Variants in GALNT2 observed in about 807,000 individuals in gnomAD.
GALNT2 encodes the protein UDP-GalNAc:polypeptide N-acetylgalactosaminyltransferase 2.
In GALNT2, 31 loss-of-function variants were observed where a neutral mutation model predicts 81.4. That is an observed-to-expected ratio of 0.38 (90% CI 0.29 to 0.51). GALNT2 has a LOEUF of 0.51. Among genes scored for constraint, GALNT2 ranks in the 20% least tolerant of loss-of-function variants. The pLI, the probability that GALNT2 is intolerant of heterozygous loss-of-function variation, is 0.87. For missense variants in GALNT2, 629 were observed against 765.7 expected (o/e 0.82, Z 2.11); for synonymous variants, 303 against 287.4 (o/e 1.05, Z -0.55).
chr1:230,088,410 G>A (rs946686883), intron 1 of GALNT2, among the ~76,000 whole-genome samples: 1 of 150,824 alleles, frequency 6.6e-6, no homozygotes, highest in African/African-American at 2.5e-5. Context: ...CTGTTGTTCT[G>A]TGTGACAGGG....
intron 1 of GALNT2, among the ~76,000 whole-genome samples, chr1:230,098,822 G>C (rs752735315): frequency 6.6e-6 from 1 of 152,166 alleles, no homozygotes; most frequent in Non-Finnish European, 1.5e-5. Context: ...ATCCAAGATG[G>C]AGTTGCTTTA....
At chr1:230,151,820 A>G (rs1015145166) in intron 1 of GALNT2, among the ~76,000 whole-genome samples, 8 of 152,272 alleles carry the variant, frequency 5.3e-5, no homozygotes, top group African/African-American at 1.9e-4. Context: ...TGGCTGTTCC[A>G]TAGACAGAGC....
chr1:230,085,480 C>G (rs908128216), intron 1 of GALNT2, among the ~76,000 whole-genome samples: 9 of 152,172 alleles, frequency 5.9e-5, no homozygotes, highest in Non-Finnish European at 1.2e-4. Flanking sequence ...AGTTTTCCTG[C>G]CCAGTCCACT....
At chr1:230,272,007 C>G (rs1305994720) in intron 14 of GALNT2, among the ~76,000 whole-genome samples, 1 of 152,142 alleles carries the variant, frequency 6.6e-6, no homozygotes, top group African/African-American at 2.4e-5. Context: ...TCCCATCACC[C>G]AATAAATTCC....
intron 5 of GALNT2, 39 bp from the exon 6 acceptor site, chr1:230,236,621 C>T: frequency 2.5e-6 from 4 of 1,590,812 alleles, no homozygotes; most frequent in Non-Finnish European, 3.4e-6. Flanking sequence ...CCTTTATGAA[C>T]TCCAGGTTCA....
intron 14 of GALNT2, among the ~76,000 whole-genome samples, chr1:230,265,817 G>A (rs1666021293): frequency 6.6e-6 from 1 of 152,238 alleles, no homozygotes; most frequent in Non-Finnish European, 1.5e-5. Context: ...GCCCCTGCCT[G>A]TTAGATAATA....
intron 3 of GALNT2, among the ~76,000 whole-genome samples, chr1:230,218,571 T>C (rs773230460): frequency 6.6e-6 from 1 of 152,140 alleles, no homozygotes; most frequent in Non-Finnish European, 1.5e-5. Context: ...TCAGGAAGCA[T>C]TGCTGGAAAG....
chr1:230,230,925 C>T (rs1257331229), intron 3 of GALNT2, among the ~76,000 whole-genome samples: 1 of 152,170 alleles, frequency 6.6e-6, no homozygotes, highest in African/African-American at 2.4e-5. Flanking sequence ...CACATCCCCT[C>T]TCTGGGCCTT....
intron 2 of GALNT2, among the ~76,000 whole-genome samples, chr1:230,186,261 T>C (rs1663332568): frequency 6.6e-6 from 1 of 152,144 alleles, no homozygotes; most frequent in Admixed American, 6.5e-5. Flanking sequence ...AAGCCCCTCC[T>C]TTGTGCCCTC....
intron 2 of GALNT2, among the ~76,000 whole-genome samples, chr1:230,190,698 C>T (rs1223832773): frequency 6.6e-6 from 1 of 152,152 alleles, no homozygotes; most frequent in Non-Finnish European, 1.5e-5. Context: ...CTACCATCTG[C>T]TTACAGCTAG....
chr1:230,107,329 G>C (rs1660571819), intron 1 of GALNT2, among the ~76,000 whole-genome samples: 1 of 152,162 alleles, frequency 6.6e-6, no homozygotes. Context: ...CAGCACTTTA[G>C]GAGGCTGAGG....
chr1:230,208,889 C>T (rs758848862), intron 3 of GALNT2, among the ~76,000 whole-genome samples: 1 of 151,972 alleles, frequency 6.6e-6, no homozygotes, highest in Non-Finnish European at 1.5e-5. Flanking sequence ...TTAGAATACC[C>T]GTGGGGTGCT....
At position 230,193,014 on chromosome 1, in the gene GALNT2, A is replaced by G. The variant is rs1025629532; in HGVS notation, c.221-10123A>G. On this transcript the variant is annotated intron_variant, in intron 2 of 15. Transcript: ENST00000366672. This position sits in a 1 kb window ranked among gnomAD's most constrained non-coding sequence, Gnocchi z 4.3. The stretch of plus-strand genomic sequence containing the variant: ...CATTATGACCTTCTAGAGGAAGAAT[A>G]TTAGGATTTTTTTTCTTTTAAGCAC... Among the ~76,000 whole-genome samples, 2 of 152,186 alleles carry G rather than the reference A, an allele frequency of 1.3e-5. No individual in the cohort carries two copies. The highest frequency in any genetic ancestry group is 2.9e-5 in the Non-Finnish European group (2 of 68,032).
chr1:230,150,377 C>T (rs1558110710), intron 1 of GALNT2, among the ~76,000 whole-genome samples: 1 of 152,230 alleles, frequency 6.6e-6, no homozygotes, highest in African/African-American at 2.4e-5. Context: ...TTCTCAGAAA[C>T]TTATATTTGG....
chr1:230,254,297 G>A (rs1665638796), intron 10 of GALNT2, among the ~76,000 whole-genome samples: 1 of 152,096 alleles, frequency 6.6e-6, no homozygotes, highest in African/African-American at 2.4e-5. Context: ...CAATGCTCAG[G>A]GCAGTCTGTG....
intron 1 of GALNT2, among the ~76,000 whole-genome samples, chr1:230,167,396 C>G (rs1290455911): frequency 6.6e-6 from 1 of 152,230 alleles, no homozygotes; most frequent in Non-Finnish European, 1.5e-5. Context: ...GTCCTCCCAC[C>G]TTGGCCTCCC....
intron 1 of GALNT2, among the ~76,000 whole-genome samples, chr1:230,156,265 G>A (rs1011758206): frequency 1.4e-5 from 2 of 142,238 alleles, no homozygotes; most frequent in Non-Finnish European, 3.1e-5. Context: ...GTGTGTGTGT[G>A]TGTTTTACAG....
chr1:230,088,081 C>T (rs905181877), intron 1 of GALNT2, among the ~76,000 whole-genome samples: 1 of 152,074 alleles, frequency 6.6e-6, no homozygotes, highest in South Asian at 2.1e-4. Flanking sequence ...TCCCCCCGCC[C>T]CCAATGTTTT....
intron 1 of GALNT2, among the ~76,000 whole-genome samples, chr1:230,150,272 C>T (rs1662052626): frequency 6.6e-6 from 1 of 152,240 alleles, no homozygotes; most frequent in Non-Finnish European, 1.5e-5. Flanking sequence ...CTCTTTACCT[C>T]ACCATAGGAA....
Sources: gnomAD v4.1 joint callset for allele counts (sites outside exome capture counted in the v4.1 genomes callset) on GRCh38, gnomAD v4.1.1 for gene constraint, Gnocchi (gnomAD v3.1) non-coding constraint, MANE v1.5 for transcripts, NCBI Gene and HGNC (gene_info 2026-07-23, HGNC 2026-07-21) for gene names.